B3GALT1: variants seen among roughly 807,000 people sequenced by gnomAD.
The protein encoded by B3GALT1 is UDP-Gal:betaGlcNAc beta 1,3-galactosyltransferase, polypeptide 1.
In B3GALT1, 10 loss-of-function variants were observed where a neutral mutation model predicts 23.2. The ratio of observed to expected loss-of-function variants is 0.43; its 90% CI spans 0.27 to 0.73. B3GALT1 has a LOEUF of 0.73. Among genes scored for constraint, B3GALT1 ranks in the 30% least tolerant of loss-of-function variants. The probability of loss-of-function intolerance (pLI) is 0.21; values close to 1 mark genes in which losing one functional copy is unlikely to be tolerated. For synonymous variants in B3GALT1, 156 were observed against 141.5 expected, an observed-to-expected ratio of 1.10 and a Z score of -0.73; for missense variants, 299 against 405.4, an observed-to-expected ratio of 0.74 and a Z score of 2.25.
At chr2:167,516,888 A>G (rs1700106697) in intron 2 of B3GALT1, among the ~76,000 whole-genome samples, 1 of 151,654 alleles carries the variant, frequency 6.6e-6, no homozygotes, top group Non-Finnish European at 1.5e-5. Flanking sequence ...TCATGTTTCA[A>G]TCCCGTGACC....
At chr2:167,534,948 AT>A (rs1348037394) in intron 2 of B3GALT1, among the ~76,000 whole-genome samples, 2 of 152,180 alleles carry the variant, frequency 1.3e-5, no homozygotes, top group African/African-American at 4.8e-5. Flanking sequence ...TGTTATCCTC[AT>A]TTTAAAAAAG....
rs140333071 is a variant in B3GALT1, at chr2:167,565,679, A to G, written c.-410+75402A>G. On this transcript the variant is annotated intron_variant, in intron 2 of 4. Coordinates refer to ENST00000392690, the MANE Select transcript of B3GALT1 (RefSeq NM_020981.4). ...TTTACAAGAAAAAAACAACCCCATC[A>G]AAAAGTGGGCAAGGATATGAAGACA... Among the ~76,000 whole-genome samples the G allele has an allele frequency of 4.1e-4, 63 of 152,320 alleles. 3 individuals carry two copies. In the South Asian group the frequency reaches 6.2e-3, roughly 15 times the overall value.
At chr2:167,759,087 A>G (rs1044985500) in intron 3 of B3GALT1, among the ~76,000 whole-genome samples, 2 of 152,204 alleles carry the variant, frequency 1.3e-5, no homozygotes, top group Admixed American at 1.3e-4. Flanking sequence ...CACAAACCAG[A>G]ATACATTTCC....
chr2:167,709,307 C>G (rs1196219582), intron 3 of B3GALT1, among the ~76,000 whole-genome samples: 1 of 152,228 alleles, frequency 6.6e-6, no homozygotes, highest in Non-Finnish European at 1.5e-5. Flanking sequence ...AAATTAAAAA[C>G]TAATAACCAG....
intron 3 of B3GALT1, among the ~76,000 whole-genome samples, chr2:167,721,333 C>T (rs1687229639): frequency 6.6e-6 from 1 of 152,158 alleles, no homozygotes; most frequent in African/African-American, 2.4e-5. Flanking sequence ...CATTTGTGAG[C>T]AATTGAAGCA....
At chr2:167,454,866 G>A (rs984731752) in intron 1 of B3GALT1, among the ~76,000 whole-genome samples, 6 of 152,234 alleles carry the variant, frequency 3.9e-5, no homozygotes, top group Non-Finnish European at 5.9e-5. Flanking sequence ...TATATTGAAT[G>A]CCTGCCACTT....
intron 2 of B3GALT1, among the ~76,000 whole-genome samples, chr2:167,590,591 C>T (rs1016478245): frequency 9.2e-5 from 14 of 152,004 alleles, no homozygotes; most frequent in Non-Finnish European, 1.2e-4. Flanking sequence ...TCAAGAGAGT[C>T]TCAAAGGAAT....
chr2:167,775,607 A>G (rs1307318899), intron 3 of B3GALT1, among the ~76,000 whole-genome samples: 1 of 151,868 alleles, frequency 6.6e-6, no homozygotes, highest in East Asian at 1.9e-4. Flanking sequence ...ACATAATGAA[A>G]TGGTTATGAT....
At chr2:167,772,384 G>T (rs1355551416) in intron 3 of B3GALT1, among the ~76,000 whole-genome samples, 1 of 152,124 alleles carries the variant, frequency 6.6e-6, no homozygotes, top group Non-Finnish European at 1.5e-5. Flanking sequence ...TGAAGTGAGT[G>T]CAATTAGCCT....
chr2:167,588,193 C>A (rs1321590026), intron 2 of B3GALT1, among the ~76,000 whole-genome samples: 1 of 152,136 alleles, frequency 6.6e-6, no homozygotes, highest in Non-Finnish European at 1.5e-5. Context: ...CCAACTAGGG[C>A]TTCTAGTCGA....
intron 1 of B3GALT1, among the ~76,000 whole-genome samples, chr2:167,466,284 C>T (rs1699343335): frequency 6.6e-6 from 1 of 152,036 alleles, no homozygotes; most frequent in Admixed American, 6.6e-5. Flanking sequence ...ATTCAGTATA[C>T]ATTAAGAAAT....
rs117729555 is a variant in B3GALT1 at position 167,577,523 on chromosome 2, A to T, written c.-409-69386A>T. ...TGATATATGTTTAAGAATGATAGACAATAAGGCATTGCTTTCAATGAATTA... is the reference window on the plus strand; with the variant it reads ...TGATATATGTTTAAGAATGATAGACTATAAGGCATTGCTTTCAATGAATTA... On this transcript the variant is annotated intron_variant, in intron 2 of 4. Coordinates refer to ENST00000392690, the MANE Select transcript of B3GALT1 (RefSeq NM_020981.4). Among the ~76,000 whole-genome samples, 644 of 152,004 alleles carry T rather than the reference A, an allele frequency of 4.2e-3. 23 individuals are homozygous for T. The East Asian group carries it at 0.083, about 20-fold the overall frequency.
At chr2:167,528,893 T>C (rs969963040) in intron 2 of B3GALT1, among the ~76,000 whole-genome samples, 1 of 152,158 alleles carries the variant, frequency 6.6e-6, no homozygotes, top group Non-Finnish European at 1.5e-5. Context: ...TGATCTTGGG[T>C]CTGCTTCTGG....
Position 167,640,494 on chromosome 2 carries a change from T to C in B3GALT1, c.-409-6415T>C, listed in dbSNP as rs77303344. Reference sequence around the variant, plus strand: ...ATCAGCTGCCTTGCTATCTAAAATTTTAATAAACTATGTCAAAAAGTCTTT... The same window carrying C: ...ATCAGCTGCCTTGCTATCTAAAATTCTAATAAACTATGTCAAAAAGTCTTT... On this transcript the variant is annotated intron_variant, in intron 2 of 4. Coordinates refer to ENST00000392690, the MANE Select transcript of B3GALT1 (RefSeq NM_020981.4). Among the ~76,000 whole-genome samples, 739 of 152,182 alleles carry C rather than the reference T, an allele frequency of 4.9e-3. 7 individuals are homozygous for C. Among genetic ancestry groups the C allele is most frequent in the African/African-American group, 0.017 (693 of 41,546 alleles).
intron 3 of B3GALT1, among the ~76,000 whole-genome samples, chr2:167,788,847 C>CAAAGCAA (rs1196515157): frequency 6.6e-6 from 1 of 152,094 alleles, no homozygotes; most frequent in African/African-American, 2.4e-5. Context: ...AAGGGAGAAC[C>CAAAGCAA]AATAGAACAG....
chr2:167,437,057 C>T lies in B3GALT1; in HGVS notation c.-510-53120C>T, dbSNP rs149383596. Among the ~76,000 whole-genome samples the T allele has an allele frequency of 8.5e-3, 1,299 of 152,198 alleles. 19 individuals are homozygous for T. Among genetic ancestry groups the T allele is most frequent in the African/African-American group, 0.03 (1,239 of 41,524 alleles). On this transcript the variant is annotated intron_variant, in intron 1 of 4. Coordinates refer to ENST00000392690, the MANE Select transcript of B3GALT1 (RefSeq NM_020981.4). ...TCTGGGGGAAGTGTATCCCCAAGCT[C>T]CTTTCATTGAATTTCTTTTGGTGAG...
intron 3 of B3GALT1, among the ~76,000 whole-genome samples, chr2:167,770,878 G>C (rs748730265): frequency 6.6e-6 from 1 of 152,154 alleles, no homozygotes; most frequent in African/African-American, 2.4e-5. Flanking sequence ...TTTCAGTGAA[G>C]GCAAAGGTTG....
chr2:167,849,487 A>G lies in B3GALT1; in HGVS notation c.-229-19324A>G, dbSNP rs188657233. Among the ~76,000 whole-genome samples, 660 of 152,298 alleles carry G rather than the reference A, an allele frequency of 4.3e-3. 5 individuals carry two copies. Among genetic ancestry groups the G allele is most frequent in the Non-Finnish European group, 6.1e-3 (412 of 68,010 alleles). ...CAAAAATATGAAGTGAGGAAAGGAC[A>G]CCCTTTTCAACAAATGGTGCTGGGA... On this transcript the variant is annotated intron_variant, in intron 4 of 4. Transcript: ENST00000392690.
intron 1 of B3GALT1, among the ~76,000 whole-genome samples, chr2:167,428,129 A>G (rs1004313308): frequency 4.6e-5 from 7 of 152,232 alleles, no homozygotes; most frequent in African/African-American, 1.4e-4. Context: ...ACTGTGGGAT[A>G]AAAAAGAAAA....
Sources: gnomAD v4.1 joint callset for allele counts (sites outside exome capture counted in the v4.1 genomes callset) on GRCh38, gnomAD v4.1.1 for gene constraint, MANE v1.5 for transcripts, NCBI Gene and HGNC (gene_info 2026-07-23, HGNC 2026-07-21) for gene names.